Variants in MOB4 observed in about 807,000 individuals in gnomAD.
MOB4 encodes MOB family member 4, phocein, also known as MOB-like protein phocein.
Under a neutral mutation model 32.2 loss-of-function variants are expected in MOB4, and 4 were observed. That is an observed-to-expected ratio of 0.12 (90% CI 0.06 to 0.28). MOB4 has a LOEUF of 0.28. Among genes scored for constraint, MOB4 ranks in the 10% least tolerant of loss-of-function variants. The probability of loss-of-function intolerance (pLI) is 1.00; values close to 1 mark genes in which losing one functional copy is unlikely to be tolerated. For synonymous variants in MOB4, 88 were observed against 88.1 expected, an observed-to-expected ratio of 1.00 and a Z score of 0.01; for missense variants, 158 against 271.2, an observed-to-expected ratio of 0.58 and a Z score of 2.93.
chr2:197,521,234 G>C (rs1041339020), intron 1 of MOB4, among the ~76,000 whole-genome samples: 1 of 152,144 alleles, frequency 6.6e-6, no homozygotes, highest in African/African-American at 2.4e-5. Flanking sequence ...GTCCGGGGGA[G>C]ACATCACATG....
chr2:197,547,535 A>G (rs1311697472), intron 5 of MOB4, among the ~76,000 whole-genome samples: 1 of 152,128 alleles, frequency 6.6e-6, no homozygotes, highest in Admixed American at 6.6e-5. Context: ...TTATTAGGTA[A>G]TTTTTTAGTG....
At chr2:197,519,001 G>T (rs1455216554) in intron 1 of MOB4, among the ~76,000 whole-genome samples, 36 of 151,828 alleles carry the variant, frequency 2.4e-4, no homozygotes, top group Non-Finnish European at 1.5e-5. Context: ...CTCGTGATCC[G>T]CCCGTCTCGG....
chr2:197,531,046 T>G (rs2086692652), intron 2 of MOB4, among the ~76,000 whole-genome samples: 1 of 150,124 alleles, frequency 6.7e-6, no homozygotes, highest in East Asian at 1.9e-4. Context: ...TTTTTATTTT[T>G]ATTTTTATTT....
Position 197,552,338 on chromosome 2 carries a change from G to C in MOB4, c.*1692G>C, listed in dbSNP as rs1390515127. ...AATTTTTAAACTTGCTAAATATTGA[G>C]AAACTAAACTACTAAGTTAATAAAT... On this transcript the variant is annotated 3_prime_UTR_variant, in exon 8 of 8. Coordinates refer to ENST00000323303, the MANE Select transcript of MOB4 (RefSeq NM_015387.5). 6.6e-6 allele frequency: 1 copy of C among 152,256 alleles called. No individual in the cohort carries two copies. The highest frequency in any genetic ancestry group is 1.5e-5 in the Non-Finnish European group (1 of 68,024). The allele number at this position is 152,256 out of a possible 1,614,324, so 9.4% of individuals were successfully genotyped here. A position where few individuals can be genotyped will look rare whatever the true frequency, so the allele number is the denominator to read the frequency against.
intron 3 of MOB4, among the ~76,000 whole-genome samples, chr2:197,536,115 T>C (rs1483144237): frequency 6.6e-6 from 1 of 152,092 alleles, no homozygotes; most frequent in African/African-American, 2.4e-5. Context: ...CCCAGGCTAG[T>C]CTCAAACTCC....
rs779785023 is a variant in MOB4 at position 197,535,518 on chromosome 2, C to A, written c.124-12C>A. ...ATAATTTAATTAACCATAAGAACTT[C>A]TTTGTTTTTAGTATATTCAACAGAA... On this transcript the variant is annotated splice_polypyrimidine_tract_variant and intron_variant, in intron 2 of 7. Transcript: ENST00000323303. 9 of 1,580,488 alleles carry A rather than the reference C, an allele frequency of 5.7e-6. No homozygotes were observed. The African/African-American group carries it at 1.1e-4, about 19-fold the overall frequency.
At chr2:197,550,251 C>G (rs1184869708) in intron 6 of MOB4, 24 bp from the exon 7 acceptor site, 9 of 1,591,924 alleles carry the variant, frequency 5.7e-6, no homozygotes, top group Non-Finnish European at 7.7e-6. Context: ...TTCTAAGAAT[C>G]TATGGTTTCT....
rs150223741 is a variant in MOB4 at position 197,525,702 on chromosome 2, C to T, written c.123+2016C>T. Among the ~76,000 whole-genome samples, 717 of 147,392 alleles carry T rather than the reference C, an allele frequency of 4.9e-3. 9 individuals carry two copies. The highest frequency in any genetic ancestry group is 0.017 in the African/African-American group (664 of 39,670). On this transcript the variant is annotated intron_variant, in intron 2 of 7. Transcript: ENST00000323303. ...TGCACTCCAGGCTGGTGACAGAGAC[C>T]CTATCTCAAAAAAAAAAAAAAAAAA... is the stretch of plus-strand genomic sequence containing the variant.
chr2:197,534,216 A>G (rs1367180565), intron 2 of MOB4, among the ~76,000 whole-genome samples: 1 of 152,248 alleles, frequency 6.6e-6, no homozygotes, highest in Non-Finnish European at 1.5e-5. Context: ...GAAGTAGGCA[A>G]AATTGATTGG....
Position 197,552,771 on chromosome 2 carries a change from TA to T in MOB4, c.*2128del, listed in dbSNP as rs752615306. On this transcript the variant is annotated 3_prime_UTR_variant, in exon 8 of 8. Transcript: ENST00000323303. The stretch of plus-strand genomic sequence containing the variant: ...TTTTGAAAATGTACTTATATATACA[TA>T]AATACTACTAAAAAATTAATGAGCC... The T allele has an allele frequency of 6.6e-6, 1 of 152,284 alleles. No homozygotes were observed. The highest frequency in any genetic ancestry group is 1.5e-5 in the Non-Finnish European group (1 of 68,022). The allele number at this position is 152,284 out of a possible 1,614,324, so 9.4% of individuals were successfully genotyped here.
At chr2:197,516,221 C>G in intron 1 of MOB4, 75 bp downstream of exon 1, 22 of 1,538,646 alleles carry the variant, frequency 1.4e-5, no homozygotes, top group Non-Finnish European at 1.8e-5. Flanking sequence ...GCCGCCACTG[C>G]GGGGAGGTTG....
At chr2:197,525,708 T>A (rs773747902) in intron 2 of MOB4, among the ~76,000 whole-genome samples, 37 of 121,566 alleles carry the variant, frequency 3.0e-4, no homozygotes, top group Non-Finnish European at 5.3e-4. Flanking sequence ...AGACCCTATC[T>A]CAAAAAAAAA....
rs990621592 is a variant in MOB4, at chr2:197,553,221, G to A, written c.*2575G>A. On this transcript the variant is annotated 3_prime_UTR_variant, in exon 8 of 8. Coordinates refer to ENST00000323303, the MANE Select transcript of MOB4 (RefSeq NM_015387.5). ...AGCCAAGGCAGACAGATCACCTGAG[G>A]TCAGGAGTTCGAGACCAGCCTGACC... 6 of 152,188 alleles carry A rather than the reference G, an allele frequency of 3.9e-5. No individual in the cohort carries two copies. The highest frequency in any genetic ancestry group is 8.8e-5 in the Non-Finnish European group (6 of 68,084). 9.4% of individuals were successfully genotyped at this position (152,188 alleles called of 1,614,324 possible).
chr2:197,522,278 G>C (rs1309202306), intron 1 of MOB4, among the ~76,000 whole-genome samples: 1 of 145,916 alleles, frequency 6.9e-6, no homozygotes, highest in African/African-American at 2.5e-5. Context: ...CAAATACTAG[G>C]TCTTATTCAT....
At chr2:197,536,565 C>T (rs1265516605) in intron 3 of MOB4, among the ~76,000 whole-genome samples, 1 of 150,900 alleles carries the variant, frequency 6.6e-6, no homozygotes, top group Non-Finnish European at 1.5e-5. Flanking sequence ...TTCCGTTTCC[C>T]CATTTTTGCA....
chr2:197,548,688 G>T (rs1377662497), intron 6 of MOB4, among the ~76,000 whole-genome samples: 1 of 151,662 alleles, frequency 6.6e-6, no homozygotes, highest in Non-Finnish European at 1.5e-5. Context: ...ATGCATTTTT[G>T]TATTTTTTTT....
chr2:197,542,812 T>A (rs2086919833), intron 5 of MOB4, among the ~76,000 whole-genome samples: 1 of 152,150 alleles, frequency 6.6e-6, no homozygotes, highest in African/African-American at 2.4e-5. Flanking sequence ...TAGGAATAGT[T>A]ACCTGAGAAT....
chr2:197,528,629 T>A (rs1173373550), intron 2 of MOB4, among the ~76,000 whole-genome samples: 1 of 149,452 alleles, frequency 6.7e-6, no homozygotes, highest in Non-Finnish European at 1.5e-5. Flanking sequence ...TTTTTTTTTT[T>A]TTTTGAGACG....
chr2:197,516,361 C>A (rs1000250120), intron 1 of MOB4: 1 of 1,416,732 alleles, frequency 7.1e-7, no homozygotes, highest in Non-Finnish European at 9.2e-7. Flanking sequence ...CAGGGGTAGG[C>A]GTGAGGGGCG....
Sources: allele counts gnomAD v4.1 joint callset (sites outside exome capture counted in the v4.1 genomes callset), GRCh38; gene constraint gnomAD v4.1.1; transcripts MANE v1.5; gene names NCBI Gene and HGNC (gene_info 2026-07-23, HGNC 2026-07-21).